The following TLL2 variants were observed in gnomAD, a reference collection of about 807,000 sequenced individuals.
TLL2 encodes tolloid-like protein 2.
A neutral mutation model predicts 123.0 loss-of-function variants in TLL2; 106 were observed. The observed-to-expected ratio is 0.86, with a 90% CI of 0.74 to 1.01. The LOEUF is 1.01. TLL2 is among the 50% of genes least tolerant of loss of function. The probability of loss-of-function intolerance (pLI) is 0.00; values close to 1 mark genes in which losing one functional copy is unlikely to be tolerated. For synonymous variants in TLL2, 494 were observed against 516.8 expected, an observed-to-expected ratio of 0.96 and a Z score of 0.60; for missense variants, 1,332 against 1,336.7, an observed-to-expected ratio of 1.00 and a Z score of 0.06.
chr10:96,496,644 ATTACAGAAATG>A (rs1847478839), intron 1 of TLL2, among the ~76,000 whole-genome samples: 1 of 152,222 alleles, frequency 6.6e-6, no homozygotes, highest in African/African-American at 2.4e-5. Flanking sequence ...GCATCAATAC[ATTACAGAAATG>A]TCACAGCTTG....
At chr10:96,423,120 C>T (rs1212703300) in intron 5 of TLL2, among the ~76,000 whole-genome samples, 2 of 98,612 alleles carry the variant, frequency 2.0e-5, no homozygotes, top group South Asian at 3.6e-4. Flanking sequence ...AAGAGTGAAA[C>T]ACCGTCTCAA....
intron 4 of TLL2, among the ~76,000 whole-genome samples, chr10:96,431,452 C>T (rs1846739502): frequency 1.3e-5 from 2 of 152,140 alleles, no homozygotes; most frequent in South Asian, 4.1e-4. Context: ...CCTTCATCAG[C>T]CACCTCTCAG....
chr10:96,405,121 G>C (rs1326152120), intron 10 of TLL2, 111 bp downstream of exon 10: 8 of 937,558 alleles, frequency 8.5e-6, no homozygotes, highest in Non-Finnish European at 1.2e-5. Flanking sequence ...CAATGACAGA[G>C]GCCCTTGAGA....
chr10:96,368,480 T>C (rs1274996012), intron 20 of TLL2, among the ~76,000 whole-genome samples: 1 of 152,236 alleles, frequency 6.6e-6, no homozygotes, highest in Non-Finnish European at 1.5e-5. Context: ...AGTATGCAGG[T>C]GGGTCAGGTG....
At chr10:96,368,733 G>A (rs112394779) in intron 20 of TLL2, among the ~76,000 whole-genome samples, 1 of 152,064 alleles carries the variant, frequency 6.6e-6, no homozygotes, top group Non-Finnish European at 1.5e-5. Context: ...TCTCATCCAA[G>A]GACAAAAAAA....
At chr10:96,379,776 C>T (rs967551265) in intron 16 of TLL2, among the ~76,000 whole-genome samples, 9 of 152,174 alleles carry the variant, frequency 5.9e-5, no homozygotes, top group Admixed American at 4.6e-4. Flanking sequence ...GAGCAGAGAT[C>T]GCGCCAGTGC....
At chr10:96,468,227 T>A (rs953662445) in intron 2 of TLL2, among the ~76,000 whole-genome samples, 1 of 152,220 alleles carries the variant, frequency 6.6e-6, no homozygotes, top group Non-Finnish European at 1.5e-5. Flanking sequence ...AGCCTTCTGC[T>A]TCGCTCATTT....
chr10:96,407,286 T>A (rs904754571), intron 9 of TLL2, among the ~76,000 whole-genome samples: 2 of 152,144 alleles, frequency 1.3e-5, no homozygotes, highest in African/African-American at 4.8e-5. Context: ...TCCTCGAGCC[T>A]GTGTCTGATT....
intron 4 of TLL2, among the ~76,000 whole-genome samples, chr10:96,429,884 C>A (rs939908859): frequency 6.6e-6 from 1 of 152,104 alleles, no homozygotes; most frequent in African/African-American, 2.4e-5. Flanking sequence ...TAATAAAACT[C>A]CAGGCTGACA....
intron 3 of TLL2, among the ~76,000 whole-genome samples, chr10:96,439,751 A>T (rs1846833266): frequency 1.3e-5 from 2 of 152,136 alleles, no homozygotes; most frequent in Admixed American, 1.3e-4. Flanking sequence ...ATACACTGTT[A>T]AACCTGAAAA....
intron 20 of TLL2, 151 bp from the exon 21 acceptor site, chr10:96,368,373 G>C: frequency 1.1e-6 from 1 of 921,886 alleles, no homozygotes; most frequent in South Asian, 1.8e-5. Context: ...CTTTTCAAAA[G>C]AAAACATTGC....
At chr10:96,408,661 T>C (rs1846472525) in intron 9 of TLL2, among the ~76,000 whole-genome samples, 1 of 152,234 alleles carries the variant, frequency 6.6e-6, no homozygotes, top group African/African-American at 2.4e-5. Context: ...ATGACAGCCA[T>C]ACTTAATGTC....
chr10:96,396,130 C>T (rs1252704214), intron 11 of TLL2, 110 bp from the exon 12 acceptor site: 25 of 1,262,102 alleles, frequency 2.0e-5, no homozygotes, highest in Non-Finnish European at 2.4e-5. Context: ...TAGGTGGCTC[C>T]GCTCACCAAC....
At position 96,421,036 on chromosome 10, in the gene TLL2, C is replaced by T. The variant is rs987028272; in HGVS notation, c.843G>A (p.Met281Ile). The T allele has an allele frequency of 6.8e-6, 11 of 1,613,954 alleles. No homozygotes were observed. The highest frequency in any genetic ancestry group is 9.3e-6 in the Non-Finnish European group (11 of 1,179,972). The stretch of plus-strand genomic sequence containing the variant: ...CCAGAGAGCTCACTTCCCCAGCTTC[C>T]ATTTTTAAGAAATTATACTCCTGAC... ...QPGQEYNFLK[M>I]EAGEVSSLGE... Residue 281 changes from methionine (M) to isoleucine (I), a missense_variant, in exon 7 of 21, where the codon ATG becomes ATA. By Grantham distance (10) the Met-to-Ile change is conservative (BLOSUM62 1). Coordinates refer to ENST00000357947, the MANE Select transcript of TLL2 (RefSeq NM_012465.4).
intron 4 of TLL2, among the ~76,000 whole-genome samples, chr10:96,431,622 T>C (rs1846741566): frequency 1.3e-5 from 2 of 152,154 alleles, no homozygotes; most frequent in Admixed American, 1.3e-4. Flanking sequence ...TGCCGCGCCC[T>C]GCTCTAGGTG....
Position 96,422,589 on chromosome 10 carries a change from T to A in TLL2, c.777A>T (p.Arg259Ser). The change falls in exon 6 of 21, where the codon AGA becomes AGT. Residue 259 changes from arginine to serine, a missense_variant. By Grantham distance (110) the Arg-to-Ser change is moderately radical. Transcript: ENST00000357947. ...GFWHEHTRPD[R>S]DQHVTIIREN... ...CCCTGATGATGGTGACATGTTGGTC[T>A]CTGTCTGGCCGGGTGTGTTCATGCC... 6.2e-7 allele frequency: 1 copy of A among 1,614,232 alleles called. No individual in the cohort carries two copies. The highest frequency in any genetic ancestry group is 1.3e-5 in the African/African-American group (1 of 75,074).
In TLL2 at chr10:96,464,835, A is replaced by C. The variant is rs1847112957; in HGVS notation, c.286+15514T>G. Among the ~76,000 whole-genome samples, 2 of 152,248 alleles carry C rather than the reference A, an allele frequency of 1.3e-5. 1 individual carries two copies. Among genetic ancestry groups the C allele is most frequent in the South Asian group, 4.1e-4 (2 of 4,838 alleles). ...CCCCAAAATAAAGTTATACAGTTTG[A>C]GGACTGAACACTGAATTTAAATCTG... On this transcript the variant is annotated intron_variant, in intron 2 of 20. Coordinates refer to ENST00000357947, the MANE Select transcript of TLL2 (RefSeq NM_012465.4).
intron 3 of TLL2, among the ~76,000 whole-genome samples, chr10:96,435,155 C>T (rs544395200): frequency 6.6e-5 from 10 of 151,846 alleles, no homozygotes; most frequent in African/African-American, 2.4e-4. Flanking sequence ...CCTCAGCCTC[C>T]TGAGTAGCTG....
chr10:96,450,166 G>C (rs1214400878), intron 2 of TLL2, among the ~76,000 whole-genome samples: 1 of 150,094 alleles, frequency 6.7e-6, no homozygotes, highest in Non-Finnish European at 1.5e-5. Context: ...TGCATGGATG[G>C]ATGGATGGAT....
Sources: allele counts gnomAD v4.1 joint callset (sites outside exome capture counted in the v4.1 genomes callset), GRCh38; gene constraint gnomAD v4.1.1; transcripts MANE v1.5; gene names NCBI Gene and HGNC (gene_info 2026-07-23, HGNC 2026-07-21).